The following CLEC17A variants were observed in gnomAD, a reference collection of about 807,000 sequenced individuals.
CLEC17A encodes C-type lectin domain containing 17A, also known as C-type lectin domain family 17, member A.
Under a neutral mutation model 61.3 loss-of-function variants are expected in CLEC17A, and 37 were observed. The observed-to-expected ratio is 0.60, with a 90% confidence interval of 0.46 to 0.79. The LOEUF (loss-of-function observed/expected upper bound fraction) is 0.79, where lower values mean the gene tolerates loss of function less well. CLEC17A is among the 30% of genes least tolerant of loss of function. The pLI is 0.00. For synonymous variants in CLEC17A, 168 were observed against 164.9 expected (o/e 1.02, Z -0.14); for missense variants, 418 against 464.7 (o/e 0.90, Z 0.92).
At position 14,608,160 on chromosome 19, in the gene CLEC17A, C is replaced by T. The variant is rs145762117; in HGVS notation, c.1004+1058C>T. Among the ~76,000 whole-genome samples, 1,188 of 152,292 alleles carry T rather than the reference C, an allele frequency of 7.8e-3. 16 individuals are homozygous for T. Among genetic ancestry groups the T allele is most frequent in the African/African-American group, 0.028 (1,153 of 41,566 alleles). On this transcript the variant is annotated intron_variant, in intron 13 of 13. Transcript: ENST00000417570. The stretch of plus-strand genomic sequence containing the variant: ...GTGCTGGGATGACAGGCTTGAGCCA[C>T]CACACCTGGCCTCTACTAATTTTAA...
intron 2 of CLEC17A, chr19:14,584,454 C>G (rs748208684): frequency 5.9e-5 from 9 of 152,106 alleles, no homozygotes; most frequent in Non-Finnish European, 1.3e-4. Context: ...TTACTGCCAC[C>G]AGGGACCCTG....
chr19:14,594,726 C>A (rs751146435), intron 6 of CLEC17A, 33 bp from the exon 7 acceptor site: 5 of 1,613,850 alleles, frequency 3.1e-6, no homozygotes, highest in Non-Finnish European at 4.2e-6. Flanking sequence ...CTGGCTGAAG[C>A]CCTTCTTGAA....
intron 7 of CLEC17A, 122 bp from the exon 8 acceptor site, chr19:14,595,152 G>A (rs755988110): frequency 3.6e-6 from 4 of 1,123,128 alleles, no homozygotes; most frequent in African/African-American, 1.5e-5. Context: ...AATTACAGGC[G>A]TGAGCCACTG....
intron 7 of CLEC17A, 51 bp from the exon 8 acceptor site, chr19:14,595,223 G>T: frequency 6.2e-7 from 1 of 1,603,336 alleles, no homozygotes; most frequent in South Asian, 1.1e-5. Context: ...GATCTTGGAA[G>T]ACAGAGTCTT....
At chr19:14,581,935 AGCCACTGCACCC>A (rs2074186938), upstream of CLEC17A, among the ~76,000 whole-genome samples, 1 of 151,992 alleles carries the variant, frequency 6.6e-6, no homozygotes, top group African/African-American at 2.4e-5. Flanking sequence ...TACAGGTGTG[AGCCACTGCACCC>A]GGCCAGATTA....
intron 4 of CLEC17A, among the ~76,000 whole-genome samples, chr19:14,593,474 C>G (rs78195123): frequency 0.06 from 9,112 of 151,950 alleles, 913 homozygotes; most frequent in African/African-American, 0.21. Context: ...AGTGAAACCC[C>G]CAGCTATATG....
Position 14,594,683 on chromosome 19 carries a change from G to T in CLEC17A, c.361+1G>T. Reference sequence around the variant, plus strand: ...CCTTGCAAGCCCCGGAACATGACAGGTGAGAGCTGACAGTTGGAGTCTTCC... The same window carrying T: ...CCTTGCAAGCCCCGGAACATGACAGTTGAGAGCTGACAGTTGGAGTCTTCC... On this transcript the variant is annotated splice_donor_variant, in intron 6 of 13. Coordinates refer to ENST00000417570, the MANE Select transcript of CLEC17A (RefSeq NM_001204118.2). LOFTEE classifies it high-confidence loss of function. 6.2e-7 allele frequency: 1 copy of T among 1,613,930 alleles called. No individual in the cohort carries two copies. The highest frequency in any genetic ancestry group is 8.5e-7 in the Non-Finnish European group (1 of 1,179,884).
chr19:14,582,169 G>A (rs1173539480), upstream of CLEC17A, among the ~76,000 whole-genome samples: 2 of 151,076 alleles, frequency 1.3e-5, no homozygotes, highest in Non-Finnish European at 2.9e-5. Flanking sequence ...TTTTTTTTGT[G>A]TCAAATCTCC....
intron 13 of CLEC17A, among the ~76,000 whole-genome samples, 167 bp downstream of exon 13, chr19:14,607,269 A>G (rs2074905910): frequency 6.6e-6 from 1 of 151,598 alleles, no homozygotes; most frequent in Non-Finnish European, 1.5e-5. Flanking sequence ...CAGTGGCGCA[A>G]TCTCAGCTCA....
At chr19:14,596,785 G>C (rs189438686) in intron 8 of CLEC17A, 91 bp from the exon 9 acceptor site, 1 of 1,436,190 alleles carries the variant, frequency 7.0e-7, no homozygotes, top group African/African-American at 1.4e-5. Context: ...ACAGACTTCT[G>C]CCCCCTGCTC....
chr19:14,602,411 C>T (rs2074742859), intron 12 of CLEC17A, among the ~76,000 whole-genome samples: 1 of 151,902 alleles, frequency 6.6e-6, no homozygotes, highest in Admixed American at 6.6e-5. Flanking sequence ...CACCTCAGCT[C>T]CCCACCAAGT....
At chr19:14,603,999 C>A (rs7508694) in intron 12 of CLEC17A, among the ~76,000 whole-genome samples, 40,859 of 152,016 alleles carry the variant, frequency 0.27, 5,707 homozygotes, top group South Asian at 0.31. Context: ...CCTGAGGCAT[C>A]CCACTCTTCC....
chr19:14,605,681 A>G (rs1041149287), intron 12 of CLEC17A, among the ~76,000 whole-genome samples: 1 of 151,790 alleles, frequency 6.6e-6, no homozygotes, highest in Non-Finnish European at 1.5e-5. Context: ...TTCTAACTAT[A>G]TTTTCTTCCC....
At chr19:14,583,045 ATTTGAC>A, upstream of CLEC17A, 1 of 1,112,884 alleles carries the variant, frequency 9.0e-7, no homozygotes, top group Non-Finnish European at 1.3e-6. Context: ...ATTTGCATGT[ATTTGAC>A]TTTGAAAGGA....
rs188929528 is a variant in CLEC17A at position 14,610,948 on chromosome 19, C to T, written c.*752C>T. The T allele has an allele frequency of 2.6e-3, 401 of 152,152 alleles. 3 individuals carry two copies. The highest frequency in any genetic ancestry group is 9.1e-3 in the African/African-American group (379 of 41,516). The allele number at this position is 152,152 out of a possible 1,614,324, so 9.4% of individuals were successfully genotyped here. ...AAGTGCTGGGATTACAGGCATGTGT[C>T]ACCGTACCTGGCCGATATTTTTATT... On this transcript the variant is annotated 3_prime_UTR_variant, in exon 14 of 14. Transcript: ENST00000417570.
Position 14,599,079 on chromosome 19 carries a change from C to CTT in CLEC17A, c.647-613_647-612dup, listed in dbSNP as rs796835309. Among the ~76,000 whole-genome samples the CTT allele has an allele frequency of 6.4e-3, 365 of 56,942 alleles. 102 individuals carry two copies. The highest frequency in any genetic ancestry group is 0.021 in the African/African-American group (274 of 12,754). 37.4% of individuals were successfully genotyped at this position (56,942 alleles called of 152,430 possible). On this transcript the variant is annotated intron_variant, in intron 10 of 13. Transcript: ENST00000417570. ...CAACATACTTGCCTCTGTATCTTTG[C>CTT]TTTTTTTTTTTTTTTTTTTTTTTTT...
chr19:14,605,270 A>G, intron 12 of CLEC17A, among the ~76,000 whole-genome samples: 1 of 151,732 alleles, frequency 6.6e-6, no homozygotes, highest in East Asian at 2.0e-4. Context: ...TAATTTTTGT[A>G]TTTTTAGTAG....
chr19:14,582,856 C>T (rs2074198619), upstream of CLEC17A, among the ~76,000 whole-genome samples: 1 of 151,786 alleles, frequency 6.6e-6, no homozygotes, highest in Non-Finnish European at 1.5e-5. Flanking sequence ...GATCCATCCA[C>T]CTCAGCCTCT....
chr19:14,610,394 T>A lies in CLEC17A; in HGVS notation c.*198T>A, dbSNP rs1156594301. ...GAGTGAGGACTTGGGCTTGCCCTAG[T>A]AGATGGTGAGCTGGGAGGATGCTCA... is the stretch of plus-strand genomic sequence containing the variant. On this transcript the variant is annotated 3_prime_UTR_variant, in exon 14 of 14. Transcript: ENST00000417570. 1.5e-6 allele frequency: 1 copy of A among 660,086 alleles called. No individual in the cohort carries two copies. The highest frequency in any genetic ancestry group is 2.5e-6 in the Non-Finnish European group (1 of 396,876). The allele number at this position is 660,086 out of a possible 1,614,324, so 40.9% of individuals were successfully genotyped here. A position where few individuals can be genotyped will look rare whatever the true frequency, so the allele number is the denominator to read the frequency against.
Sources: gnomAD v4.1 joint callset for allele counts (sites outside exome capture counted in the v4.1 genomes callset) on GRCh38, gnomAD v4.1.1 for gene constraint, MANE v1.5 for transcripts, NCBI Gene and HGNC (gene_info 2026-07-23, HGNC 2026-07-21) for gene names.